DOCK8: variants seen among roughly 807,000 people sequenced by gnomAD.
The protein encoded by DOCK8 is dedicator of cytokinesis 8, also known as dedicator of cytokinesis protein 8.
DOCK8 carries 141 observed loss-of-function variants against 245.6 expected under a neutral mutation model. That is an observed-to-expected ratio of 0.57 (90% confidence interval 0.50 to 0.66). The LOEUF (loss-of-function observed/expected upper bound fraction) is 0.66. Among genes scored for constraint, DOCK8 ranks in the 30% least tolerant of loss-of-function variants. The pLI, the probability that DOCK8 is intolerant of heterozygous loss-of-function variation, is 0.00. For synonymous variants in DOCK8, 1,168 were observed against 970.2 expected, an observed-to-expected ratio of 1.20 and a Z score of -3.79; for missense variants, 2,965 against 2,603.4, an observed-to-expected ratio of 1.14 and a Z score of -3.02.
chr9:429,682 G>A lies in DOCK8; in HGVS notation c.4474-20G>A, dbSNP rs750715984. ...TCAAACTGCCAAGTGATGCCTAATG[G>A]CCCTTTATGTCTCTCCTAGTTTGGA... is the stretch of plus-strand genomic sequence containing the variant. On this transcript the variant is annotated intron_variant, in intron 35 of 47. Coordinates refer to ENST00000432829, the MANE Select transcript of DOCK8 (RefSeq NM_203447.4). 3 of 1,614,066 alleles carry A rather than the reference G, an allele frequency of 1.9e-6. No homozygotes were observed. The highest frequency in any genetic ancestry group is 3.3e-5 in the Admixed American group (2 of 60,026).
At chr9:449,672 C>A in intron 44 of DOCK8, 112 bp from the exon 45 acceptor site, 1 of 1,365,566 alleles carries the variant, frequency 7.3e-7, no homozygotes, top group South Asian at 1.2e-5. Context: ...CTCTGAAAGT[C>A]TTTCCCTAGC....
At chr9:316,208 C>A (rs1383725968) in intron 6 of DOCK8, among the ~76,000 whole-genome samples, 1 of 152,164 alleles carries the variant, frequency 6.6e-6, no homozygotes, top group Non-Finnish European at 1.5e-5. Flanking sequence ...GAGATGTGAC[C>A]CTGTTCTTTG....
Position 304,265 on chromosome 9 carries a change from C to A in DOCK8, c.405-316C>A, listed in dbSNP as rs139816321. On this transcript the variant is annotated intron_variant, in intron 4 of 47. Coordinates refer to ENST00000432829, the MANE Select transcript of DOCK8 (RefSeq NM_203447.4). ...GCTAGATTTATTCCAGCCACTTACACTAGGGTCATAGTTTAGCTTCAGCTC... is the reference window on the plus strand; with the variant it reads ...GCTAGATTTATTCCAGCCACTTACAATAGGGTCATAGTTTAGCTTCAGCTC... Among the ~76,000 whole-genome samples the A allele has an allele frequency of 0.014, 2,129 of 152,304 alleles. 56 individuals carry two copies. Among genetic ancestry groups the A allele is most frequent in the African/African-American group, 0.05 (2,060 of 41,540 alleles).
Position 451,962 on chromosome 9 carries a change from T to TGC in DOCK8, c.5962-49_5962-48insGC, listed in dbSNP as rs1261635263. ...ATATATATGTGTGTGTGTGTATATA[T>TGC]ATATATATATATATATTTTTTTTTT... On this transcript the variant is annotated intron_variant, in intron 45 of 47. Coordinates refer to ENST00000432829, the MANE Select transcript of DOCK8 (RefSeq NM_203447.4). 2.3e-5 allele frequency: 8 copies of TGC among 349,668 alleles called. No individual in the cohort carries two copies. In the African/African-American group the frequency reaches 2.4e-4, roughly 11 times the overall value. 21.7% of individuals were successfully genotyped at this position (349,668 alleles called of 1,614,324 possible).
intron 9 of DOCK8, among the ~76,000 whole-genome samples, chr9:329,650 A>T (rs2130838683): frequency 6.6e-6 from 1 of 152,352 alleles, no homozygotes; most frequent in East Asian, 1.9e-4. Context: ...ATAGCCCTGT[A>T]GGTAAGTTCA....
intron 21 of DOCK8, chr9:381,048 C>A (rs1396012950): frequency 6.6e-6 from 1 of 152,516 alleles, no homozygotes; most frequent in Non-Finnish European, 1.5e-5. Flanking sequence ...CTGCAGTGAG[C>A]TATGATTGCA....
intron 28 of DOCK8, 134 bp downstream of exon 28, chr9:407,203 T>C: frequency 7.3e-7 from 1 of 1,371,318 alleles, no homozygotes. Flanking sequence ...TAGAAACATC[T>C]GTCTTGAGAA....
upstream of DOCK8, chr9:214,314 C>G (rs2046680655): frequency 1.2e-5 from 7 of 590,398 alleles, no homozygotes; most frequent in Non-Finnish European, 2.0e-5. Flanking sequence ...CAGGTTGTGA[C>G]GAAAACATTT....
Position 404,918 on chromosome 9 carries a change from C to G in DOCK8, c.3235C>G (p.Leu1079Val). 2 of 1,614,030 alleles carry G rather than the reference C, an allele frequency of 1.2e-6. No individual in the cohort carries two copies. Among genetic ancestry groups the G allele is most frequent in the Non-Finnish European group, 1.7e-6 (2 of 1,180,016 alleles). ...TTCCTCTTTTCATTTTTCTTCCCAG[C>G]TGTCAGCCAAGCTCAGTAACCTTCC... ...FNLIRHYCSQ[L>V]SAKLSNLPTL... is the part of the protein sequence containing the mutation. Residue 1079 changes from leucine to valine, a missense_variant and splice_region_variant, in exon 27 of 48, where the codon CTG becomes GTG. Physicochemically the swap from Leu to Val is conservative, Grantham distance 32. Around this residue, in one of 3 missense-constraint regions of DOCK8, gnomAD observed 2,825 missense variants for 2,453.5 expected, o/e 1.15. Coordinates refer to ENST00000432829, the MANE Select transcript of DOCK8 (RefSeq NM_203447.4).
At chr9:217,494 C>T (rs1014961023) in intron 1 of DOCK8, among the ~76,000 whole-genome samples, 1 of 152,142 alleles carries the variant, frequency 6.6e-6, no homozygotes, top group Admixed American at 6.5e-5. Context: ...AGAGCCCCCT[C>T]AAGTTTAATA....
Position 334,174 on chromosome 9 carries a change from T to G in DOCK8, c.1126-51T>G, listed in dbSNP as rs1182173846. On this transcript the variant is annotated intron_variant, in intron 10 of 47. Coordinates refer to ENST00000432829, the MANE Select transcript of DOCK8 (RefSeq NM_203447.4). ...CTGTCATATTCAGGTCAGAGGCAGT[T>G]GACTTGGTGCTGATGCTTGTTTCAG... 3.1e-6 allele frequency: 5 copies of G among 1,610,414 alleles called. No homozygotes were observed. In the African/African-American group the frequency reaches 5.3e-5, roughly 17 times the overall value.
chr9:415,686 G>GTGCATGCACACACGCACACA (rs2055966533), intron 29 of DOCK8, among the ~76,000 whole-genome samples: 1 of 136,632 alleles, frequency 7.3e-6, no homozygotes, highest in African/African-American at 3.2e-5. Context: ...ACGTGTGTGC[G>GTGCATGCACACACGCACACA]CGCGTGCACA....
chr9:302,664 A>G (rs1290531082), intron 4 of DOCK8, among the ~76,000 whole-genome samples: 1 of 152,202 alleles, frequency 6.6e-6, no homozygotes. Flanking sequence ...GCAAAAAACC[A>G]CCCCATTTAA....
At chr9:246,668 A>T (rs995314595) in intron 1 of DOCK8, among the ~76,000 whole-genome samples, 2 of 152,190 alleles carry the variant, frequency 1.3e-5, no homozygotes, top group Admixed American at 1.3e-4. Flanking sequence ...AATTTTTAAT[A>T]TTGTATAAAA....
intron 2 of DOCK8, among the ~76,000 whole-genome samples, chr9:275,116 T>G (rs2048291918): frequency 6.6e-6 from 1 of 152,228 alleles, no homozygotes; most frequent in South Asian, 2.1e-4. Flanking sequence ...AGACTTCAGT[T>G]TCTTCATTTG....
chr9:256,931 A>G (rs1021138991), intron 1 of DOCK8, among the ~76,000 whole-genome samples: 3 of 152,176 alleles, frequency 2.0e-5, no homozygotes, highest in East Asian at 1.9e-4. Flanking sequence ...TCATCTTTCT[A>G]CTGTTCTCAA....
intron 28 of DOCK8, among the ~76,000 whole-genome samples, chr9:410,222 G>A (rs1392599499): frequency 6.6e-6 from 1 of 152,118 alleles, no homozygotes; most frequent in East Asian, 1.9e-4. Flanking sequence ...CCACCAGTCA[G>A]ATAAAAAATA....
At chr9:426,308 T>C (rs1324167276) in intron 33 of DOCK8, among the ~76,000 whole-genome samples, 2 of 152,188 alleles carry the variant, frequency 1.3e-5, no homozygotes, top group Non-Finnish European at 2.9e-5. Flanking sequence ...TACAGTCTTG[T>C]TTCCCAATGG....
In DOCK8 at chr9:286,477, C is replaced by T. The variant is rs181739250; in HGVS notation, c.173C>T (p.Pro58Leu). 2 of 1,613,898 alleles carry T rather than the reference C, an allele frequency of 1.2e-6. No homozygotes were observed. Among genetic ancestry groups the T allele is most frequent in the East Asian group, 2.2e-5 (1 of 44,882 alleles). Reference sequence around the variant, plus strand: ...CCCCTCCAGCCTCAGTTTTATGACCCTGTGGAGCCAGTGGACTTTGAAGGA... The same window carrying T: ...CCCCTCCAGCCTCAGTTTTATGACCTTGTGGAGCCAGTGGACTTTGAAGGA... ...PSLQLPQFYDPVEPVDFEGLL... is the reference protein window; with the variant it reads ...PSLQLPQFYDLVEPVDFEGLL... Residue 58 changes from proline (P) to leucine (L), a missense_variant, in exon 3 of 48, where the codon CCT becomes CTT. Coordinates refer to ENST00000432829, the MANE Select transcript of DOCK8 (RefSeq NM_203447.4).
Sources: allele counts gnomAD v4.1 joint callset (sites outside exome capture counted in the v4.1 genomes callset), GRCh38; gene constraint gnomAD v4.1.1; regional missense constraint gnomAD v4.1.1; transcripts MANE v1.5; gene names NCBI Gene and HGNC (gene_info 2026-07-23, HGNC 2026-07-21).